The following CLASP1 variants were observed in gnomAD, a reference collection of about 807,000 sequenced individuals.
CLASP1 encodes the protein cytoplasmic linker associated protein 1, also known as CLIP-associating protein 1.
In CLASP1, 38 loss-of-function variants were observed where a neutral mutation model predicts 192.3. The ratio of observed to expected loss-of-function variants is 0.20; its 90% CI spans 0.15 to 0.26. CLASP1 has a LOEUF of 0.26. Among genes scored for constraint, CLASP1 ranks in the 10% least tolerant of loss-of-function variants. The probability of loss-of-function intolerance (pLI) is 1.00; values close to 1 mark genes in which losing one functional copy is unlikely to be tolerated. For synonymous variants in CLASP1, 691 were observed against 712.8 expected (o/e 0.97, Z 0.49); for missense variants, 1,433 against 1,932.5 (o/e 0.74, Z 4.85).
At chr2:121,539,907 C>T (rs2095191506) in intron 2 of CLASP1, among the ~76,000 whole-genome samples, 2 of 152,210 alleles carry the variant, frequency 1.3e-5, no homozygotes, top group African/African-American at 4.8e-5. Flanking sequence ...TTAAATGAGA[C>T]ACTACCGCAC....
At chr2:121,490,259 T>A (rs2093228309) in intron 8 of CLASP1, 1 of 453,670 alleles carries the variant, frequency 2.2e-6, no homozygotes, top group Non-Finnish European at 4.4e-6. Context: ...TCAGAATATA[T>A]TAGAATAGCC....
rs182537060 is a variant in CLASP1, at chr2:121,490,868, C to A, written c.712+12299G>T. 7.2e-3 allele frequency among the ~76,000 whole-genome samples: 1,096 copies of A among 152,340 alleles called. 5 individuals are homozygous for A. Among genetic ancestry groups the A allele is most frequent in the Non-Finnish European group, 0.012 (808 of 68,034 alleles). On this transcript the variant is annotated intron_variant, in intron 8 of 39. Coordinates refer to ENST00000263710, the Ensembl canonical transcript of CLASP1. ...CTTGTAATATGCATAGTCTAATAAA[C>A]AAGCACTGGGAGAGAGTGTGAACCT...
rs2063526248 is a variant in CLASP1 at position 121,346,913 on chromosome 2, A to T, written c.4530+125T>A. 4.9e-6 allele frequency: 3 copies of T among 610,204 alleles called. No individual in the cohort carries two copies. In the South Asian group the frequency reaches 7.0e-5, roughly 14 times the overall value. The allele number at this position is 610,204 out of a possible 1,614,324, so 37.8% of individuals were successfully genotyped here. On this transcript the variant is annotated intron_variant, in intron 39 of 39. Coordinates refer to ENST00000263710, the Ensembl canonical transcript of CLASP1. ...TATATTTAGAAAAATCCTCTTGGAG[A>T]AATAAGGCCCAGCTAAAACACAATG...
chr2:121,401,386 G>A (rs900079977), intron 28 of CLASP1, 123 bp downstream of exon 29: 4 of 687,724 alleles, frequency 5.8e-6, no homozygotes, highest in Admixed American at 2.6e-5. Flanking sequence ...AACAGAAAGT[G>A]AGAACTGAGT....
intron 32 of CLASP1, among the ~76,000 whole-genome samples, chr2:121,383,607 T>C (rs370333755): frequency 2.1e-5 from 3 of 141,924 alleles, no homozygotes; most frequent in African/African-American, 6.1e-5. Flanking sequence ...GCTAGGGACA[T>C]ACATGCTATT....
At chr2:121,458,585 T>C (rs1231979049) in intron 13 of CLASP1, among the ~76,000 whole-genome samples, 1 of 152,164 alleles carries the variant, frequency 6.6e-6, no homozygotes, top group Non-Finnish European at 1.5e-5. Context: ...TCGAACATTT[T>C]AAACCAATAG....
intron 6 of CLASP1, among the ~76,000 whole-genome samples, chr2:121,518,440 G>A (rs2094378122): frequency 6.6e-6 from 1 of 151,896 alleles, no homozygotes; most frequent in Non-Finnish European, 1.5e-5. Flanking sequence ...CTCTAAAACT[G>A]TGAAAAAATT....
chr2:121,546,502 C>T (rs1287236653), intron 2 of CLASP1, among the ~76,000 whole-genome samples: 3 of 152,090 alleles, frequency 2.0e-5, no homozygotes, highest in East Asian at 3.9e-4. Context: ...CGGTGGCCCA[C>T]TTGGGAGTGA....
At chr2:121,517,378 T>C (rs1307247494) in intron 6 of CLASP1, among the ~76,000 whole-genome samples, 2 of 152,220 alleles carry the variant, frequency 1.3e-5, no homozygotes, top group Non-Finnish European at 2.9e-5. Context: ...GGGAGTCCTC[T>C]GATTTAACAG....
At chr2:121,470,258 A>G (rs755762483) in intron 8 of CLASP1, 17 of 416,572 alleles carry the variant, frequency 4.1e-5, no homozygotes, top group Admixed American at 3.5e-4. Context: ...TGAAACAGTT[A>G]TTTTCACATT....
At chr2:121,505,635 T>C (rs1314552563) in intron 7 of CLASP1, among the ~76,000 whole-genome samples, 2 of 152,216 alleles carry the variant, frequency 1.3e-5, no homozygotes, top group Non-Finnish European at 2.9e-5. Context: ...GTTTTATATA[T>C]TCAAAGACAT....
At chr2:121,485,100 C>A (rs1178907994) in intron 8 of CLASP1, among the ~76,000 whole-genome samples, 1 of 152,136 alleles carries the variant, frequency 6.6e-6, no homozygotes, top group African/African-American at 2.4e-5. Flanking sequence ...CAGAGAAGGC[C>A]AAATCACACT....
At chr2:121,381,735 T>C (rs2149347600) in intron 33 of CLASP1, among the ~76,000 whole-genome samples, 1 of 152,204 alleles carries the variant, frequency 6.6e-6, no homozygotes, top group Non-Finnish European at 1.5e-5. Flanking sequence ...CATATGACAG[T>C]ATGTTAGGAA....
intron 2 of CLASP1, among the ~76,000 whole-genome samples, chr2:121,593,626 C>CAAAAAAAAA (rs61315745): frequency 5.9e-5 from 3 of 50,728 alleles, no homozygotes; most frequent in African/African-American, 2.1e-4. Flanking sequence ...AACTCCGTCT[C>CAAAAAAAAA]AAAAAAAAAA....
In CLASP1 at chr2:121,582,371, AAGAC is replaced by A. The variant is rs558955210; in HGVS notation, c.195+23326_195+23329del. Reference sequence around the variant, plus strand: ...GGAGAGAGAGAGAGAAAGAAAGACAAAGACAGAAAGATGGATGGATGGATGAATG... The same window carrying A: ...GGAGAGAGAGAGAGAAAGAAAGACAAAGAAAGATGGATGGATGGATGAATG... On this transcript the variant is annotated intron_variant, in intron 2 of 39. Coordinates refer to ENST00000263710, the Ensembl canonical transcript of CLASP1. Among the ~76,000 whole-genome samples, 281 of 146,044 alleles carry A rather than the reference AAGAC, an allele frequency of 1.9e-3. 1 individual carries two copies. Among genetic ancestry groups the A allele is most frequent in the African/African-American group, 5.7e-3 (224 of 39,310 alleles).
intron 19 of CLASP1, among the ~76,000 whole-genome samples, chr2:121,439,254 T>C (rs989903961): frequency 1.3e-5 from 2 of 152,360 alleles, no homozygotes; most frequent in Admixed American, 1.3e-4. Flanking sequence ...TCTATCAATT[T>C]TGTTGATCCT....
At chr2:121,483,737 G>A (rs951414252) in intron 8 of CLASP1, among the ~76,000 whole-genome samples, 11 of 152,022 alleles carry the variant, frequency 7.2e-5, no homozygotes, top group Non-Finnish European at 1.2e-4. Flanking sequence ...GGTTTTCAAT[G>A]ATTTTAATAA....
chr2:121,396,653 T>C (rs919219036), intron 30 of CLASP1, among the ~76,000 whole-genome samples: 1 of 152,220 alleles, frequency 6.6e-6, no homozygotes, highest in African/African-American at 2.4e-5. Context: ...AGGCAATACT[T>C]AAGTAACATT....
Position 121,398,404 on chromosome 2 carries a change from G to T in CLASP1, c.2901-4C>A. On this transcript the variant is annotated splice_polypyrimidine_tract_variant and splice_region_variant and intron_variant, in intron 28 of 39. Transcript: ENST00000263710. ...TTGATCAAATGGAAAGGAGTCCCTA[G>T]GTTGGTGGGAAAAAAGTGCTTATTT... 1 of 1,574,420 alleles carries T rather than the reference G, an allele frequency of 6.4e-7. No homozygotes were observed. The highest frequency in any genetic ancestry group is 8.6e-7 in the Non-Finnish European group (1 of 1,158,966).
Sources: gnomAD v4.1 joint callset for allele counts (sites outside exome capture counted in the v4.1 genomes callset) on GRCh38, gnomAD v4.1.1 for gene constraint, MANE v1.5 for transcripts, NCBI Gene and HGNC (gene_info 2026-07-23, HGNC 2026-07-21) for gene names.